Variants in ECE1 observed in about 807,000 individuals in gnomAD.
ECE1 encodes the protein endothelin-converting enzyme 1.
A neutral mutation model predicts 98.6 loss-of-function variants in ECE1; 35 were observed. The ratio of observed to expected loss-of-function variants is 0.35; its 90% CI spans 0.27 to 0.47. The LOEUF is 0.47. ECE1 is among the 20% of genes least tolerant of loss of function. ECE1 has a pLI of 1.00. For synonymous variants in ECE1, 394 were observed against 407.1 expected (o/e 0.97, Z 0.39); for missense variants, 814 against 1,025.3 (o/e 0.79, Z 2.81).
chr1:21,340,973 C>T lies in ECE1; in HGVS notation c.3+4403G>A, dbSNP rs1021955729. On this transcript the variant is annotated intron_variant, in intron 1 of 18. Coordinates refer to the ECE1 transcript ENST00000415912. This position sits in a 1 kb window ranked among gnomAD's most constrained non-coding sequence, Gnocchi z 4.6. ...ACCTCCTAAGCACAGTCCTCCGTGC[C>T]TCCAGATGAACCATCCCTGAAGGCA... 2.0e-5 allele frequency among the ~76,000 whole-genome samples: 3 copies of T among 152,180 alleles called. No individual in the cohort carries two copies. Among genetic ancestry groups the T allele is most frequent in the Non-Finnish European group, 2.9e-5 (2 of 68,032 alleles).
intron 15 of ECE1, 65 bp from the exon 16 acceptor site, chr1:21,227,291 G>T: frequency 6.7e-7 from 1 of 1,490,342 alleles, no homozygotes; most frequent in Non-Finnish European, 9.4e-7. Flanking sequence ...TCTTGCTCAG[G>T]TATGTGACCC....
intron 7 of ECE1, 25 bp from the exon 8 acceptor site, chr1:21,256,163 T>C (rs1558391344): frequency 6.3e-7 from 1 of 1,585,198 alleles, no homozygotes. Context: ...CCCCAAACTG[T>C]CAGTGGCTGC....
chr1:21,239,785 C>CT (rs200501459), intron 10 of ECE1, among the ~76,000 whole-genome samples: 176 of 142,710 alleles, frequency 1.2e-3, no homozygotes, highest in South Asian at 6.5e-3. Flanking sequence ...TTTTTTCTTT[C>CT]TTTTTTTTTT....
chr1:21,260,162 G>C lies in ECE1; in HGVS notation c.615+109C>G. On this transcript the variant is annotated intron_variant, in intron 5 of 18. Coordinates refer to ENST00000374893, the MANE Select transcript of ECE1 (RefSeq NM_001397.3). The surrounding 1 kb of genome is among the most constrained non-coding windows in gnomAD (Gnocchi z 4.3). ...TTTCTGTCTTTCTCTTGGTGCTACC[G>C]GCTGGACGTATGAGGTGGGCCAGTG... The C allele has an allele frequency of 6.7e-7, 1 of 1,495,324 alleles. No individual in the cohort carries two copies. The highest frequency in any genetic ancestry group is 9.3e-7 in the Non-Finnish European group (1 of 1,074,388). 92.6% of individuals were successfully genotyped at this position (1,495,324 alleles called of 1,614,324 possible). A position where few individuals can be genotyped will look rare whatever the true frequency, so the allele number is the denominator to read the frequency against.
At chr1:21,304,547 C>T (rs2103382555) in intron 1 of ECE1, among the ~76,000 whole-genome samples, 1 of 152,208 alleles carries the variant, frequency 6.6e-6, no homozygotes, top group Non-Finnish European at 1.5e-5. Flanking sequence ...AAATATTTCT[C>T]ATATCCTTGT....
At chr1:21,314,793 A>T (rs1638798421) in intron 1 of ECE1, among the ~76,000 whole-genome samples, 1 of 152,256 alleles carries the variant, frequency 6.6e-6, no homozygotes, top group Admixed American at 6.5e-5. Flanking sequence ...TATCTACTGC[A>T]AGCAACTTGA....
intron 1 of ECE1, chr1:21,297,965 A>C (rs189217179): frequency 6.6e-6 from 1 of 152,198 alleles, no homozygotes; most frequent in African/African-American, 2.4e-5. Context: ...CAGCTTCCTG[A>C]GTAGCTGGGA....
At chr1:21,279,116 A>C in intron 3 of ECE1, 75 bp downstream of exon 3, 1 of 1,612,234 alleles carries the variant, frequency 6.2e-7, no homozygotes, top group South Asian at 1.1e-5. Context: ...TAAGCAGGGA[A>C]GCCCCCCTCG....
At chr1:21,296,753 C>A (rs187450446) in intron 1 of ECE1, among the ~76,000 whole-genome samples, 2 of 152,200 alleles carry the variant, frequency 1.3e-5, no homozygotes, top group Non-Finnish European at 2.9e-5. Flanking sequence ...CAGGGCCTCA[C>A]CTCCTTTTTT....
At position 21,228,026 on chromosome 1, in the gene ECE1, C is replaced by T. The variant is rs1015101788; in HGVS notation, c.1686G>A (p.Pro562=). 16 of 1,561,698 alleles carry T rather than the reference C, an allele frequency of 1.0e-5. No homozygotes were observed. The African/African-American group carries it at 1.1e-4, about 11-fold the overall frequency. Residue 562 remains proline (P), a synonymous_variant, in exon 15 of 19, where the codon CCG becomes CCA. Transcript: ENST00000374893. ...GCGAGTAGTAGGCGTTCACCATGGG[C>T]GGGGTCATGCTCCACCTGCAAGCAA... ...APNRDQWSMT[P]PMVNAYYSPT...
chr1:21,270,348 C>T (rs1466038750), intron 4 of ECE1, among the ~76,000 whole-genome samples: 1 of 152,266 alleles, frequency 6.6e-6, no homozygotes, highest in Non-Finnish European at 1.5e-5. Flanking sequence ...TCTCTCCTTC[C>T]TTCAGGCCCT....
chr1:21,310,028 G>A (rs113327296), intron 1 of ECE1, among the ~76,000 whole-genome samples: 4 of 150,590 alleles, frequency 2.7e-5, no homozygotes, highest in Non-Finnish European at 4.4e-5. Context: ...CTGACCTCGT[G>A]TCGTGATCCA....
intron 8 of ECE1, among the ~76,000 whole-genome samples, chr1:21,247,744 CTGAGCTTTAGACAGGCCTGAAACAGT>C (rs1436254597): frequency 6.6e-6 from 1 of 152,184 alleles, no homozygotes; most frequent in Admixed American, 6.5e-5. Context: ...GATGAGGAGA[CTGAGCTTTAGACAGGCCTGAAACAGT>C]TGAGCTTGTA....
At chr1:21,268,156 T>A (rs2098236229) in intron 4 of ECE1, among the ~76,000 whole-genome samples, 1 of 152,178 alleles carries the variant, frequency 6.6e-6, no homozygotes, top group Non-Finnish European at 1.5e-5. Context: ...GGCAGCAGGT[T>A]TGAGAAAAGT....
rs2103231024 is a variant in ECE1 at position 21,233,411 on chromosome 1, T to C, written c.1670+147A>G. The C allele has an allele frequency of 4.5e-6, 3 of 664,184 alleles. No individual in the cohort carries two copies. The highest frequency in any genetic ancestry group is 8.7e-4 in the Middle Eastern group (2 of 2,290). The allele number at this position is 664,184 out of a possible 1,614,324, so 41.1% of individuals were successfully genotyped here. On this transcript the variant is annotated intron_variant, in intron 14 of 18. Transcript: ENST00000374893. This position sits in a 1 kb window ranked among gnomAD's most constrained non-coding sequence, Gnocchi z 4.0. ...GCCCTTGGTTTCTTCATCTGAAAAGTGGGATAACAAGGGCATCCACTCTTC... is the reference window on the plus strand; with the variant it reads ...GCCCTTGGTTTCTTCATCTGAAAAGCGGGATAACAAGGGCATCCACTCTTC...
intron 3 of ECE1, among the ~76,000 whole-genome samples, chr1:21,277,479 G>A (rs567418402): frequency 8.5e-5 from 13 of 152,158 alleles, no homozygotes; most frequent in Non-Finnish European, 1.3e-4. Flanking sequence ...GACCAGGAGG[G>A]GGTTCAGAAC....
chr1:21,297,586 C>T (rs1406018795), intron 1 of ECE1, among the ~76,000 whole-genome samples: 2 of 144,622 alleles, frequency 1.4e-5, no homozygotes, highest in South Asian at 4.3e-4. Flanking sequence ...GGCTGGAGTA[C>T]AGTCACTTAA....
At chr1:21,270,987 A>G (rs2098239555) in intron 4 of ECE1, among the ~76,000 whole-genome samples, 1 of 152,226 alleles carries the variant, frequency 6.6e-6, no homozygotes, top group Non-Finnish European at 1.5e-5. Flanking sequence ...CCAGTCTTGC[A>G]ATGATAGACA....
chr1:21,342,970 C>A (rs1639430844), intron 1 of ECE1, among the ~76,000 whole-genome samples: 1 of 152,196 alleles, frequency 6.6e-6, no homozygotes. Context: ...TCTTTTGTTT[C>A]CTGACCCTTT....
Sources: allele counts gnomAD v4.1 joint callset (sites outside exome capture counted in the v4.1 genomes callset), GRCh38; gene constraint gnomAD v4.1.1; non-coding constraint Gnocchi (gnomAD v3.1); transcripts MANE v1.5; gene names NCBI Gene and HGNC (gene_info 2026-07-23, HGNC 2026-07-21).